METTL15: variants seen among roughly 807,000 people sequenced by gnomAD.
METTL15 encodes the protein methyltransferase 15, mitochondrial 12S rRNA N4-cytidine.
In METTL15, 34 loss-of-function variants were observed where a neutral mutation model predicts 38.3. The ratio of observed to expected loss-of-function variants is 0.89; its 90% CI spans 0.68 to 1.18. METTL15 has a LOEUF of 1.18. Among genes scored for constraint, METTL15 ranks in the 50% most tolerant of loss-of-function variants. The pLI is 0.00. For synonymous variants in METTL15, 162 were observed against 170.9 expected (o/e 0.95, Z 0.41); for missense variants, 438 against 498.4 (o/e 0.88, Z 1.15).
chr11:28,331,113 A>T lies in METTL15; in HGVS notation c.*272A>T, dbSNP rs1386092490. ...AGGCAATCCTTCCTCTGGCCAGGAA[A>T]TTTTTTAAAAAATAATACTGTGTTG... On this transcript the variant is annotated 3_prime_UTR_variant, in exon 7 of 7. Coordinates refer to ENST00000407364, the MANE Select transcript of METTL15 (RefSeq NM_001113528.2). The T allele has an allele frequency of 4.2e-6, 1 of 236,426 alleles. No homozygotes were observed. The highest frequency in any genetic ancestry group is 2.5e-5 in the African/African-American group (1 of 40,086). 14.6% of individuals were successfully genotyped at this position (236,426 alleles called of 1,614,324 possible).
In METTL15 at chr11:28,173,027, GT is replaced by G. The variant is rs775801811; in HGVS notation, c.271-38032del. Among the ~76,000 whole-genome samples the G allele has an allele frequency of 3.3e-5, 5 of 152,156 alleles. No homozygotes were observed. The South Asian group carries it at 8.3e-4, about 25-fold the overall frequency. ...GACTTAACGAAACTCTTATAAAGAGGTTTGATAGTAACTGATGAAAAGTCTC... is the reference window on the plus strand; with the variant it reads ...GACTTAACGAAACTCTTATAAAGAGGTTGATAGTAACTGATGAAAAGTCTC... On this transcript the variant is annotated intron_variant, in intron 3 of 6. Coordinates refer to ENST00000407364, the MANE Select transcript of METTL15 (RefSeq NM_001113528.2).
In METTL15 at chr11:28,330,634, A is replaced by G; in HGVS notation, c.1017A>G (p.Thr339=). The change falls in exon 7 of 7, where the codon ACA becomes ACG. Residue 339 remains threonine (T), a synonymous_variant. Transcript: ENST00000407364. ...VKRFLLGISM[T]ERFNLSVRQQ... ...GATTTTTGCTTGGAATAAGCATGAC[A>G]GAAAGATTTAACCTAAGTGTTAGAC... 6.4e-7 allele frequency: 1 copy of G among 1,551,480 alleles called. No individual in the cohort carries two copies. Among genetic ancestry groups the G allele is most frequent in the Non-Finnish European group, 8.7e-7 (1 of 1,146,806 alleles).
At chr11:28,187,670 A>G (rs992489112) in intron 3 of METTL15, among the ~76,000 whole-genome samples, 4 of 150,914 alleles carry the variant, frequency 2.7e-5, no homozygotes, top group Non-Finnish European at 5.9e-5. Flanking sequence ...GCATAAATGA[A>G]TATGTTTATG....
At chr11:28,196,058 G>T (rs767375302) in intron 3 of METTL15, among the ~76,000 whole-genome samples, 1 of 151,926 alleles carries the variant, frequency 6.6e-6, no homozygotes, top group Non-Finnish European at 1.5e-5. Flanking sequence ...CCAGTGGTCT[G>T]TGTTTCTACT....
chr11:28,283,228 T>C (rs1856122797), intron 4 of METTL15, among the ~76,000 whole-genome samples: 1 of 152,210 alleles, frequency 6.6e-6, no homozygotes, highest in African/African-American at 2.4e-5. Context: ...GAACAGATTT[T>C]ATATTTTTAA....
intron 4 of METTL15, among the ~76,000 whole-genome samples, chr11:28,355,622 G>A (rs1850084124): frequency 6.6e-6 from 1 of 152,124 alleles, no homozygotes; most frequent in Admixed American, 6.5e-5. Context: ...TATTTCCGTA[G>A]CATTTACATT....
intron 6 of METTL15, among the ~76,000 whole-genome samples, chr11:28,511,029 T>C (rs925397686): frequency 1.3e-5 from 2 of 152,112 alleles, no homozygotes; most frequent in Non-Finnish European, 2.9e-5. Flanking sequence ...TTCTTAAGAT[T>C]TTTTTACAAT....
chr11:28,443,672 G>A (rs1378284001), intron 6 of METTL15, among the ~76,000 whole-genome samples: 1 of 152,090 alleles, frequency 6.6e-6, no homozygotes, highest in Non-Finnish European at 1.5e-5. Context: ...AGTTGCTTAG[G>A]CCAAAAGATA....
chr11:28,170,984 T>C (rs1013706230), intron 3 of METTL15, among the ~76,000 whole-genome samples: 1 of 152,048 alleles, frequency 6.6e-6, no homozygotes, highest in African/African-American at 2.4e-5. Flanking sequence ...AGAAAACTAA[T>C]CCTTATGCAG....
intron 4 of METTL15, among the ~76,000 whole-genome samples, chr11:28,247,243 G>T (rs1854549656): frequency 6.6e-6 from 1 of 151,948 alleles, no homozygotes; most frequent in Non-Finnish European, 1.5e-5. Context: ...GTCCATCGTG[G>T]TATATCTGAA....
chr11:28,220,023 A>G (rs1853118512), intron 4 of METTL15, among the ~76,000 whole-genome samples: 1 of 152,206 alleles, frequency 6.6e-6, no homozygotes, highest in South Asian at 2.1e-4. Flanking sequence ...GGTGCTGAGA[A>G]GAATGTATAT....
intron 3 of METTL15, among the ~76,000 whole-genome samples, chr11:28,152,122 T>G (rs991593463): frequency 6.6e-6 from 1 of 152,064 alleles, no homozygotes; most frequent in African/African-American, 2.4e-5. Context: ...ACCTGCTACT[T>G]TATATACATT....
At chr11:28,422,305 A>G (rs1850827274) in intron 5 of METTL15, among the ~76,000 whole-genome samples, 1 of 152,074 alleles carries the variant, frequency 6.6e-6, no homozygotes, top group Non-Finnish European at 1.5e-5. Flanking sequence ...TCAAAATACC[A>G]ATGACATTCT....
chr11:28,450,162 T>C (rs1031855467), intron 6 of METTL15, among the ~76,000 whole-genome samples: 1 of 152,158 alleles, frequency 6.6e-6, no homozygotes. Context: ...TTACCAAGAG[T>C]TCATTATATT....
chr11:28,326,591 T>G (rs1374912212), intron 6 of METTL15, among the ~76,000 whole-genome samples: 1 of 152,090 alleles, frequency 6.6e-6, no homozygotes, highest in Non-Finnish European at 1.5e-5. Flanking sequence ...TTTTTATATA[T>G]TTTGAGACAG....
Position 28,409,275 on chromosome 11 carries a change from G to A in METTL15, c.*359-15024G>A, listed in dbSNP as rs571622266. On this transcript the variant is annotated intron_variant and NMD_transcript_variant, in intron 5 of 7. Transcript: ENST00000532947. ...CAGGCGCCTGTTGTCCCAGCTACTC[G>A]GGAGGCTGAGGCAGGAGAATGGCAT... Among the ~76,000 whole-genome samples the A allele has an allele frequency of 8.6e-5, 13 of 151,070 alleles. No individual in the cohort carries two copies. The South Asian group carries it at 2.1e-3, about 24-fold the overall frequency.
At chr11:28,347,239 T>C (rs1205449705) in intron 3 of METTL15, among the ~76,000 whole-genome samples, 1 of 152,172 alleles carries the variant, frequency 6.6e-6, no homozygotes, top group Non-Finnish European at 1.5e-5. Flanking sequence ...ACTGAGGCCA[T>C]ACCTACCAAG....
chr11:28,262,850 A>T (rs1198111459), intron 4 of METTL15, among the ~76,000 whole-genome samples: 1 of 152,136 alleles, frequency 6.6e-6, no homozygotes, highest in Non-Finnish European at 1.5e-5. Flanking sequence ...AGGCAGAGTC[A>T]TCCAAATGTC....
At chr11:28,340,564 C>G (rs184089693) in intron 3 of METTL15, among the ~76,000 whole-genome samples, 5 of 151,950 alleles carry the variant, frequency 3.3e-5, no homozygotes, top group African/African-American at 1.2e-4. Context: ...AACAAACATA[C>G]GAAAAAAACC....
Sources: allele counts gnomAD v4.1 joint callset (sites outside exome capture counted in the v4.1 genomes callset), GRCh38; gene constraint gnomAD v4.1.1; transcripts MANE v1.5; gene names NCBI Gene and HGNC (gene_info 2026-07-23, HGNC 2026-07-21).